The following MALRD1 variants were observed in gnomAD, a reference collection of about 807,000 sequenced individuals.
The protein encoded by MALRD1 is MAM and LDL receptor class A domain containing 1.
Under a neutral mutation model 242.1 loss-of-function variants are expected in MALRD1, and 247 were observed. The ratio of observed to expected loss-of-function variants is 1.02; its 90% CI spans 0.92 to 1.13. The LOEUF is 1.13. Ranked by LOEUF, MALRD1 falls within the 50% of genes most tolerant of loss-of-function variation. The pLI, the probability that MALRD1 is intolerant of heterozygous loss-of-function variation, is 0.00. For missense variants in MALRD1, 2,989 were observed against 2,533.1 expected (o/e 1.18, Z -3.86); for synonymous variants, 995 against 866.6 (o/e 1.15, Z -2.60).
rs137955688 is a variant in MALRD1 at position 19,162,636 on chromosome 10, A to G, written c.1657-3001A>G. On this transcript the variant is annotated intron_variant, in intron 12 of 39. Transcript: ENST00000454679. Reference sequence around the variant, plus strand: ...GAGATATCATCTCACACCAGTCAGAATGGCCATTATTAAAATGTCAAAAAA... The same window carrying G: ...GAGATATCATCTCACACCAGTCAGAGTGGCCATTATTAAAATGTCAAAAAA... Among the ~76,000 whole-genome samples, 100 of 152,302 alleles carry G rather than the reference A, an allele frequency of 6.6e-4. No homozygotes were observed. The East Asian group carries it at 6.9e-3, about 11-fold the overall frequency.
At chr10:19,680,110 T>C (rs1242385592) in intron 36 of MALRD1, among the ~76,000 whole-genome samples, 3 of 152,176 alleles carry the variant, frequency 2.0e-5, no homozygotes, top group East Asian at 1.9e-4. Flanking sequence ...AGAATGTATA[T>C]TCTTTTGTTT....
At chr10:19,328,982 G>A (rs1843249095) in intron 23 of MALRD1, among the ~76,000 whole-genome samples, 1 of 152,170 alleles carries the variant, frequency 6.6e-6, no homozygotes, top group African/African-American at 2.4e-5. Context: ...CTAGTTCTGT[G>A]CATGTAAAAT....
At chr10:19,505,790 A>C (rs558164723) in intron 31 of MALRD1, among the ~76,000 whole-genome samples, 11 of 152,320 alleles carry the variant, frequency 7.2e-5, no homozygotes, top group African/African-American at 2.4e-4. Flanking sequence ...AAAGTCAGGG[A>C]AGGGCAGTCT....
At chr10:19,174,580 A>G (rs746763792) in intron 13 of MALRD1, among the ~76,000 whole-genome samples, 1 of 151,994 alleles carries the variant, frequency 6.6e-6, no homozygotes, top group African/African-American at 2.4e-5. Flanking sequence ...TCTTGGAATA[A>G]CAACATAATA....
At chr10:19,473,195 A>G (rs1836578556) in intron 29 of MALRD1, among the ~76,000 whole-genome samples, 1 of 142,528 alleles carries the variant, frequency 7.0e-6, no homozygotes, top group African/African-American at 2.6e-5. Context: ...GAAATTTTTC[A>G]ACTTAAATTT....
At chr10:19,433,704 A>G (rs949106667) in intron 28 of MALRD1, among the ~76,000 whole-genome samples, 6 of 152,188 alleles carry the variant, frequency 3.9e-5, no homozygotes, top group Non-Finnish European at 7.3e-5. Flanking sequence ...ACATGGAGAA[A>G]AAAAAATGAA....
chr10:19,128,119 T>C lies in MALRD1; in HGVS notation c.944-102T>C, dbSNP rs191519391. On this transcript the variant is annotated intron_variant, in intron 7 of 39. Coordinates refer to ENST00000454679, the MANE Select transcript of MALRD1 (RefSeq NM_001142308.3). ...TATCCTTTTAAGTAAAATATTTGTG[T>C]TTTAAGTCTAGTTTTGAAAACTTCA... 6.4e-6 allele frequency: 5 copies of C among 775,952 alleles called. 1 individual carries two copies. In the Admixed American group the frequency reaches 2.2e-4, roughly 34 times the overall value. 48.1% of individuals were successfully genotyped at this position (775,952 alleles called of 1,614,324 possible).
intron 18 of MALRD1, among the ~76,000 whole-genome samples, chr10:19,233,503 A>C (rs1452722357): frequency 6.6e-6 from 1 of 152,176 alleles, no homozygotes; most frequent in Non-Finnish European, 1.5e-5. Context: ...ACTCCATGTC[A>C]AAAACAAACA....
At chr10:19,462,998 A>T (rs1836021880) in intron 29 of MALRD1, among the ~76,000 whole-genome samples, 1 of 152,180 alleles carries the variant, frequency 6.6e-6, no homozygotes, top group Non-Finnish European at 1.5e-5. Flanking sequence ...CAATGAATTA[A>T]CCAAAATTTA....
chr10:19,085,826 A>C (rs1474531024), intron 2 of MALRD1, among the ~76,000 whole-genome samples: 1 of 152,032 alleles, frequency 6.6e-6, no homozygotes, highest in Non-Finnish European at 1.5e-5. Flanking sequence ...TGACAAATAA[A>C]AATAATTTTT....
chr10:19,222,763 T>A (rs1399840379), intron 18 of MALRD1, among the ~76,000 whole-genome samples: 1 of 152,222 alleles, frequency 6.6e-6, no homozygotes, highest in Non-Finnish European at 1.5e-5. Context: ...TTTTTTTTGT[T>A]AAGTACCATA....
rs186807310 is a variant in MALRD1 at position 19,078,198 on chromosome 10, C to T, written c.341-9642C>T. The stretch of plus-strand genomic sequence containing the variant: ...TAAGTTCTAGGGTACATGTGCACAA[C>T]GTGCAGGTTTGTTACATATGTATAC... On this transcript the variant is annotated intron_variant, in intron 2 of 39. Transcript: ENST00000454679. 2.0e-3 allele frequency among the ~76,000 whole-genome samples: 298 copies of T among 151,684 alleles called. No individual in the cohort carries two copies. The Middle Eastern group carries it at 0.02, about 10-fold the overall frequency.
chr10:19,210,631 A>G (rs929503617), intron 18 of MALRD1, among the ~76,000 whole-genome samples: 3 of 152,220 alleles, frequency 2.0e-5, no homozygotes, highest in African/African-American at 4.8e-5. Flanking sequence ...AAAGCACTAT[A>G]TCTATCTAAA....
At chr10:19,212,034 T>G (rs557909556) in intron 18 of MALRD1, among the ~76,000 whole-genome samples, 1 of 152,234 alleles carries the variant, frequency 6.6e-6, no homozygotes, top group African/African-American at 2.4e-5. Context: ...AATGCTTTCA[T>G]GTGTGCCTTG....
At chr10:19,669,554 A>G (rs75205866) in intron 36 of MALRD1, among the ~76,000 whole-genome samples, 6,893 of 152,242 alleles carry the variant, frequency 0.045, 490 homozygotes, top group African/African-American at 0.15. Context: ...CTAAAGGAAA[A>G]GGGTACTCAT....
At chr10:19,119,686 G>A (rs191132969) in intron 5 of MALRD1, among the ~76,000 whole-genome samples, 1 of 152,260 alleles carries the variant, frequency 6.6e-6, no homozygotes, top group African/African-American at 2.4e-5. Flanking sequence ...GAATCTTGTA[G>A]CCTCCAGCTG....
intron 18 of MALRD1, among the ~76,000 whole-genome samples, chr10:19,227,812 G>A (rs1325866557): frequency 6.6e-6 from 1 of 152,076 alleles, no homozygotes; most frequent in Non-Finnish European, 1.5e-5. Context: ...CCAAATATTT[G>A]TACAGATGTT....
chr10:19,202,299 T>C (rs2131610771), intron 14 of MALRD1, among the ~76,000 whole-genome samples: 1 of 152,242 alleles, frequency 6.6e-6, no homozygotes, highest in East Asian at 1.9e-4. Flanking sequence ...TCAGAACTAC[T>C]CTGCTGGCCA....
chr10:19,125,321 C>CT (rs1564407931), intron 7 of MALRD1, among the ~76,000 whole-genome samples: 5 of 77,316 alleles, frequency 6.5e-5, no homozygotes, highest in African/African-American at 2.8e-4. Flanking sequence ...TTCCTTCCTT[C>CT]CTTCTTTCTT....
Sources: gnomAD v4.1 joint callset for allele counts (sites outside exome capture counted in the v4.1 genomes callset) on GRCh38, gnomAD v4.1.1 for gene constraint, MANE v1.5 for transcripts, NCBI Gene and HGNC (gene_info 2026-07-23, HGNC 2026-07-21) for gene names.